The following RIC1 variants were observed in gnomAD, a reference collection of about 807,000 sequenced individuals.
The protein encoded by RIC1 is guanine nucleotide exchange factor subunit RIC1.
Under a neutral mutation model 169.0 loss-of-function variants are expected in RIC1, and 88 were observed. The observed-to-expected ratio is 0.52, with a 90% CI of 0.44 to 0.62. The LOEUF is 0.62. RIC1 is among the 20% of genes least tolerant of loss of function. The pLI is 0.00. For synonymous variants in RIC1, 790 were observed against 601.5 expected (o/e 1.31, Z -4.59); for missense variants, 1,877 against 1,725.5 (o/e 1.09, Z -1.56).
At chr9:5,684,621 T>C (rs938950153) in intron 2 of RIC1, among the ~76,000 whole-genome samples, 1 of 152,150 alleles carries the variant, frequency 6.6e-6, no homozygotes, top group African/African-American at 2.4e-5. Context: ...AACTCACTTA[T>C]TATAGTTAAT....
At chr9:5,629,907 A>C (rs756974528) in intron 1 of RIC1, among the ~76,000 whole-genome samples, 14 of 152,352 alleles carry the variant, frequency 9.2e-5, no homozygotes, top group Middle Eastern at 3.4e-3. Context: ...ACCCAGCGCC[A>C]GACTTTACAG....
Position 5,691,238 on chromosome 9 carries a change from A to C in RIC1, c.332+1200A>C, listed in dbSNP as rs1165170136. Among the ~76,000 whole-genome samples, 5 of 151,966 alleles carry C rather than the reference A, an allele frequency of 3.3e-5. No homozygotes were observed. In the East Asian group the frequency reaches 9.6e-4, roughly 29 times the overall value. On this transcript the variant is annotated intron_variant, in intron 3 of 25. Transcript: ENST00000414202. ...ACAAAATTATATATGTAATATGACC[A>C]TGACTGTATAAAACAAAACAACGCA...
chr9:5,630,478 C>G (rs1817666106), intron 1 of RIC1, among the ~76,000 whole-genome samples: 1 of 152,108 alleles, frequency 6.6e-6, no homozygotes, highest in South Asian at 2.1e-4. Flanking sequence ...GTTAAAATCC[C>G]CAAATCTTTG....
At chr9:5,650,585 C>T (rs1213853053) in intron 1 of RIC1, among the ~76,000 whole-genome samples, 3 of 151,970 alleles carry the variant, frequency 2.0e-5, no homozygotes, top group Non-Finnish European at 2.9e-5. Context: ...TGCTTTGCTC[C>T]AAGCAGTGTC....
intron 2 of RIC1, among the ~76,000 whole-genome samples, chr9:5,686,848 T>C (rs879290465): frequency 7.9e-5 from 12 of 152,226 alleles, no homozygotes; most frequent in Admixed American, 2.0e-4. Context: ...GGTTTTGTTA[T>C]GAGGCCTCAT....
rs140846245 is a variant in RIC1, at chr9:5,774,497, A to G, written c.*251A>G. The G allele has an allele frequency of 4.2e-3, 1,311 of 311,956 alleles. 5 individuals carry two copies. The highest frequency in any genetic ancestry group is 5.4e-3 in the Non-Finnish European group (924 of 172,002). 19.3% of individuals were successfully genotyped at this position (311,956 alleles called of 1,614,324 possible). On this transcript the variant is annotated 3_prime_UTR_variant, in exon 26 of 26. Transcript: ENST00000414202. ...AAATATTGTACAGATGTACATGAGA[A>G]TATTTTGGTTTTACTCAAAGGTTGG...
intron 3 of RIC1, among the ~76,000 whole-genome samples, chr9:5,709,528 A>T (rs968721629): frequency 3.3e-5 from 5 of 152,308 alleles, no homozygotes; most frequent in Non-Finnish European, 7.4e-5. Context: ...ATTACAAATG[A>T]TTGGTTGAGA....
intron 3 of RIC1, among the ~76,000 whole-genome samples, chr9:5,694,488 T>C (rs1821773439): frequency 6.6e-6 from 1 of 152,222 alleles, no homozygotes; most frequent in Non-Finnish European, 1.5e-5. Context: ...TCTAATTTGA[T>C]TTCAGTGTGT....
rs61739362 is a variant in RIC1, at chr9:5,769,105, T to C, written c.3273T>C (p.Ile1091=). ...CAGCCCAGCTGGGCTTTGAACTAAT[T>C]AGTTGGCTATGCAAGGAACGTACCC... ...CFAAQLGFEL[I]SWLCKERTRA... The change falls in exon 22 of 26, where the codon ATT becomes ATC. Residue 1091 remains isoleucine (I), a synonymous_variant. Transcript: ENST00000414202. 1.0e-3 allele frequency: 1,642 copies of C among 1,614,052 alleles called. 22 individuals carry two copies. The African/African-American group carries it at 0.02, about 19-fold the overall frequency.
At chr9:5,666,155 A>T (rs1336983046) in intron 2 of RIC1, among the ~76,000 whole-genome samples, 8 of 152,128 alleles carry the variant, frequency 5.3e-5, no homozygotes, top group Admixed American at 4.6e-4. Context: ...CCACTACCCC[A>T]TGAGGAGGAG....
At chr9:5,760,384 A>G (rs947181036) in intron 17 of RIC1, among the ~76,000 whole-genome samples, 1 of 152,240 alleles carries the variant, frequency 6.6e-6, no homozygotes, top group Admixed American at 6.5e-5. Flanking sequence ...TAGGATACTG[A>G]TAATACCCAC....
intron 7 of RIC1, among the ~76,000 whole-genome samples, chr9:5,737,028 T>C (rs969608291): frequency 3.3e-5 from 5 of 151,998 alleles, no homozygotes; most frequent in Non-Finnish European, 5.9e-5. Flanking sequence ...AGTGTCATCC[T>C]ATTATGTGCA....
At chr9:5,655,460 C>G (rs954300697) in intron 1 of RIC1, among the ~76,000 whole-genome samples, 1 of 152,054 alleles carries the variant, frequency 6.6e-6, no homozygotes, top group East Asian at 1.9e-4. Context: ...GCCACCACAC[C>G]GGGCTAATTT....
chr9:5,711,566 ATT>A (rs1822926435), intron 3 of RIC1, among the ~76,000 whole-genome samples: 1 of 147,018 alleles, frequency 6.8e-6, no homozygotes, highest in Non-Finnish European at 1.5e-5. Context: ...TTTTATCTTT[ATT>A]TTATATATAT....
At chr9:5,687,284 A>G (rs1401560523) in intron 2 of RIC1, among the ~76,000 whole-genome samples, 1 of 152,104 alleles carries the variant, frequency 6.6e-6, no homozygotes, top group African/African-American at 2.4e-5. Context: ...AAAGAACCCC[A>G]GATTTTTATT....
chr9:5,744,537 G>A (rs1004852223), intron 10 of RIC1, among the ~76,000 whole-genome samples: 2 of 152,072 alleles, frequency 1.3e-5, no homozygotes, highest in Admixed American at 6.6e-5. Flanking sequence ...TCTTGGGGAT[G>A]GGACTCAAGT....
chr9:5,638,878 T>A (rs7019434), intron 1 of RIC1, among the ~76,000 whole-genome samples: 69,816 of 151,872 alleles, frequency 0.46, 16,429 homozygotes, highest in East Asian at 0.63. Context: ...TTGCTTTTCT[T>A]GTTGTTTAAG....
At chr9:5,678,997 A>C (rs1182363242) in intron 2 of RIC1, among the ~76,000 whole-genome samples, 2 of 152,054 alleles carry the variant, frequency 1.3e-5, no homozygotes, top group Admixed American at 6.6e-5. Flanking sequence ...TTAAGTCTTT[A>C]ATCCATCTTG....
At chr9:5,723,177 T>C (rs1207105742) in intron 6 of RIC1, among the ~76,000 whole-genome samples, 1 of 152,236 alleles carries the variant, frequency 6.6e-6, no homozygotes, top group Non-Finnish European at 1.5e-5. Flanking sequence ...CCACCAACAG[T>C]GTAAAAGTAT....
Sources: allele counts gnomAD v4.1 joint callset (sites outside exome capture counted in the v4.1 genomes callset), GRCh38; gene constraint gnomAD v4.1.1; transcripts MANE v1.5; gene names NCBI Gene and HGNC (gene_info 2026-07-23, HGNC 2026-07-21).